The following VTI1A variants were observed in gnomAD, a reference collection of about 807,000 sequenced individuals.
VTI1A encodes vesicle transport through interaction with t-SNAREs homolog 1A.
Under a neutral mutation model 34.9 loss-of-function variants are expected in VTI1A, and 22 were observed. That is an observed-to-expected ratio of 0.63 (90% confidence interval 0.45 to 0.90). The LOEUF is 0.90. Among genes scored for constraint, VTI1A ranks in the 40% least tolerant of loss-of-function variants. VTI1A has a pLI of 0.00. For synonymous variants in VTI1A, 87 were observed against 97.3 expected, an observed-to-expected ratio of 0.89 and a Z score of 0.62; for missense variants, 268 against 275.6, an observed-to-expected ratio of 0.97 and a Z score of 0.20.
At chr10:112,739,142 T>G (rs1171036702) in intron 7 of VTI1A, among the ~76,000 whole-genome samples, 3 of 152,200 alleles carry the variant, frequency 2.0e-5, no homozygotes, top group African/African-American at 7.2e-5. Flanking sequence ...GTCATACTTG[T>G]GTGTGTGGAG....
intron 5 of VTI1A, among the ~76,000 whole-genome samples, chr10:112,638,550 C>G (rs947989439): frequency 5.3e-5 from 8 of 151,946 alleles, no homozygotes; most frequent in African/African-American, 1.9e-4. Context: ...TTAAAAGTAC[C>G]AAAGATCAAT....
intron 7 of VTI1A, among the ~76,000 whole-genome samples, chr10:112,812,754 CA>C (rs1564935471): frequency 6.6e-6 from 1 of 152,180 alleles, no homozygotes; most frequent in Non-Finnish European, 1.5e-5. Context: ...GGTTTGAAAG[CA>C]AATGCCCTTT....
chr10:112,719,825 C>A (rs562160023), intron 7 of VTI1A, among the ~76,000 whole-genome samples: 2 of 152,092 alleles, frequency 1.3e-5, no homozygotes, highest in Non-Finnish European at 2.9e-5. Context: ...CGATTACAGG[C>A]GTGAGCCACG....
At chr10:112,702,677 A>G (rs1401231049) in intron 7 of VTI1A, among the ~76,000 whole-genome samples, 3 of 152,036 alleles carry the variant, frequency 2.0e-5, no homozygotes, top group Non-Finnish European at 4.4e-5. Flanking sequence ...ACCTCTGCCT[A>G]TGGGTTCAAG....
chr10:112,463,086 A>G (rs1847782881), intron 2 of VTI1A, among the ~76,000 whole-genome samples: 2 of 151,906 alleles, frequency 1.3e-5, no homozygotes, highest in African/African-American at 4.8e-5. Context: ...CACCACACCC[A>G]GCTAATGTTT....
chr10:112,668,869 C>A (rs571410281), intron 6 of VTI1A, 68 bp from the exon 7 acceptor site: 5 of 1,479,898 alleles, frequency 3.4e-6, no homozygotes, highest in Non-Finnish European at 4.7e-6. Flanking sequence ...AATAAATTGT[C>A]GCTTGCCATG....
chr10:112,744,799 C>T (rs905241779), intron 7 of VTI1A, among the ~76,000 whole-genome samples: 3 of 152,116 alleles, frequency 2.0e-5, no homozygotes, highest in Non-Finnish European at 2.9e-5. Context: ...CCCTCCCTGT[C>T]GGAGCTCTTA....
At chr10:112,794,857 T>C in intron 7 of VTI1A, among the ~76,000 whole-genome samples, 1 of 152,224 alleles carries the variant, frequency 6.6e-6, no homozygotes, top group East Asian at 1.9e-4. Context: ...ATAATTCTGC[T>C]TTTGTATAAG....
At chr10:112,795,309 T>G (rs1590191677) in intron 7 of VTI1A, among the ~76,000 whole-genome samples, 1 of 152,186 alleles carries the variant, frequency 6.6e-6, no homozygotes, top group Non-Finnish European at 1.5e-5. Context: ...TTGCCATAGA[T>G]TTGGTATGAG....
intron 5 of VTI1A, among the ~76,000 whole-genome samples, chr10:112,635,415 G>T (rs868012938): frequency 6.6e-6 from 1 of 152,142 alleles, no homozygotes; most frequent in Admixed American, 6.5e-5. Flanking sequence ...CTCAGAGGTG[G>T]CCAAGTCTAG....
Position 112,708,089 on chromosome 10 carries a change from C to A in VTI1A, c.560+39091C>A, listed in dbSNP as rs1431084190. On this transcript the variant is annotated intron_variant, in intron 7 of 7. Transcript: ENST00000393077. ...CTGTTAGACAGTTCTATCCTGATAA[C>A]ATTGAAGAAGCTAAACACAAGGACT... 1.1e-4 allele frequency among the ~76,000 whole-genome samples: 16 copies of A among 152,212 alleles called. 1 individual carries two copies. The highest frequency in any genetic ancestry group is 1.0e-3 in the Admixed American group (16 of 15,280).
At chr10:112,461,628 G>A (rs972275602) in intron 2 of VTI1A, among the ~76,000 whole-genome samples, 2 of 152,202 alleles carry the variant, frequency 1.3e-5, no homozygotes, top group African/African-American at 2.4e-5. Context: ...TAAAAGTATT[G>A]TGTCTTAATT....
At chr10:112,737,072 C>G (rs964933528) in intron 7 of VTI1A, 15 of 389,212 alleles carry the variant, frequency 3.9e-5, no homozygotes, top group African/African-American at 3.1e-4. Flanking sequence ...CTTTTTTTTT[C>G]TTTTTCTTTT....
At chr10:112,711,722 A>G (rs1388130907) in intron 7 of VTI1A, among the ~76,000 whole-genome samples, 1 of 152,190 alleles carries the variant, frequency 6.6e-6, no homozygotes, top group Non-Finnish European at 1.5e-5. Flanking sequence ...CTTTGGAGTC[A>G]TTTATTTTCT....
intron 5 of VTI1A, among the ~76,000 whole-genome samples, chr10:112,623,555 C>T (rs1000295875): frequency 6.6e-5 from 10 of 151,796 alleles, no homozygotes; most frequent in African/African-American, 9.7e-5. Context: ...CGTCACGATC[C>T]GAAACAGCTA....
chr10:112,820,505 C>T (rs1032568185), downstream of VTI1A, among the ~76,000 whole-genome samples: 7 of 152,260 alleles, frequency 4.6e-5, no homozygotes, highest in East Asian at 5.8e-4. Flanking sequence ...CACATAATGT[C>T]AGCAGTCAGG....
intron 5 of VTI1A, among the ~76,000 whole-genome samples, chr10:112,572,717 A>G (rs571807151): frequency 5.9e-5 from 9 of 152,118 alleles, no homozygotes; most frequent in African/African-American, 2.2e-4. Context: ...GGGCGCCTGT[A>G]GTCCCAGCTA....
intron 7 of VTI1A, among the ~76,000 whole-genome samples, chr10:112,812,035 G>A (rs1314363252): frequency 6.6e-6 from 1 of 152,232 alleles, no homozygotes; most frequent in Non-Finnish European, 1.5e-5. Flanking sequence ...ACAGCACTGT[G>A]ATTCATAATG....
intron 7 of VTI1A, among the ~76,000 whole-genome samples, chr10:112,751,482 A>G (rs1287019157): frequency 6.6e-6 from 1 of 151,564 alleles, no homozygotes; most frequent in East Asian, 1.9e-4. Context: ...GTTTAAAAAA[A>G]AAAAAAAAAA....
Sources: allele counts gnomAD v4.1 joint callset (sites outside exome capture counted in the v4.1 genomes callset), GRCh38; gene constraint gnomAD v4.1.1; transcripts MANE v1.5; gene names NCBI Gene and HGNC (gene_info 2026-07-23, HGNC 2026-07-21).